The following BTBD8 variants were observed in gnomAD, a reference collection of about 807,000 sequenced individuals.
The protein encoded by BTBD8 is BTB/POZ domain-containing protein 8.
Under a neutral mutation model 162.9 loss-of-function variants are expected in BTBD8, and 110 were observed. The observed-to-expected ratio is 0.68, with a 90% CI of 0.58 to 0.79. The LOEUF is 0.79. Ranked by LOEUF, BTBD8 falls within the 30% of genes least tolerant of loss-of-function variation. BTBD8 has a pLI of 0.00. For synonymous variants in BTBD8, 667 were observed against 716.1 expected, an observed-to-expected ratio of 0.93 and a Z score of 1.10; for missense variants, 1,905 against 2,085.4, an observed-to-expected ratio of 0.91 and a Z score of 1.68.
chr1:92,091,287 C>A (rs921762239), intron 2 of BTBD8, among the ~76,000 whole-genome samples: 1 of 152,142 alleles, frequency 6.6e-6, no homozygotes, highest in Non-Finnish European at 1.5e-5. Context: ...CTTTCTTCTT[C>A]GCCTTCTGCC....
intron 13 of BTBD8, among the ~76,000 whole-genome samples, chr1:92,175,911 C>T (rs1048176380): frequency 9.9e-5 from 15 of 152,134 alleles, no homozygotes; most frequent in African/African-American, 3.6e-4. Context: ...AAGGTTGGTT[C>T]TAAGGAAAAT....
chr1:92,095,344 A>G (rs1294908763), intron 2 of BTBD8, among the ~76,000 whole-genome samples: 1 of 152,146 alleles, frequency 6.6e-6, no homozygotes, highest in Non-Finnish European at 1.5e-5. Context: ...GAAAACCCCA[A>G]TAAAGGCTTT....
intron 5 of BTBD8, among the ~76,000 whole-genome samples, chr1:92,138,214 ACT>A (rs1269243404): frequency 6.6e-6 from 1 of 152,140 alleles, no homozygotes; most frequent in Non-Finnish European, 1.5e-5. Context: ...CCACAACTTG[ACT>A]CTGATTTAGT....
intron 5 of BTBD8, 48 bp from the exon 6 acceptor site, chr1:92,139,302 T>TA (rs1330442817): frequency 1.3e-6 from 2 of 1,519,604 alleles, no homozygotes; most frequent in Non-Finnish European, 1.8e-6. Context: ...GAATCATTGA[T>TA]ATCAGTTAAA....
intron 9 of BTBD8, among the ~76,000 whole-genome samples, chr1:92,162,006 G>C (rs2100659791): frequency 7.0e-6 from 1 of 143,346 alleles, no homozygotes. Context: ...TCTTTCTTTT[G>C]TTTTCTAGTG....
chr1:92,162,331 A>G (rs913130077), intron 9 of BTBD8, among the ~76,000 whole-genome samples: 5 of 152,224 alleles, frequency 3.3e-5, no homozygotes, highest in Non-Finnish European at 7.3e-5. Context: ...CCTGGCAGTG[A>G]AAGAGAGTTC....
At chr1:92,086,816 G>A (rs1325475447) in intron 1 of BTBD8, among the ~76,000 whole-genome samples, 4 of 152,094 alleles carry the variant, frequency 2.6e-5, no homozygotes, top group Non-Finnish European at 5.9e-5. Context: ...TAGCAAGAAG[G>A]CCCTTGCAGA....
intron 5 of BTBD8, among the ~76,000 whole-genome samples, chr1:92,137,139 C>G (rs1362449539): frequency 1.3e-5 from 2 of 152,126 alleles, no homozygotes; most frequent in African/African-American, 4.8e-5. Flanking sequence ...CTTGGAACAG[C>G]TGCTAGAGAG....
chr1:92,108,116 G>A, intron 4 of BTBD8, 115 bp downstream of exon 4: 1 of 947,536 alleles, frequency 1.1e-6, no homozygotes, highest in Non-Finnish European at 1.7e-6. Context: ...GGCCACAGGG[G>A]TTCCATGAAG....
chr1:92,115,171 C>A, intron 4 of BTBD8: 1 of 532,914 alleles, frequency 1.9e-6, no homozygotes, highest in African/African-American at 1.9e-5. Flanking sequence ...TTGGCAGCAC[C>A]AGTAGATAGA....
chr1:92,168,981 A>T lies in BTBD8; in HGVS notation c.1559A>T (p.Gln520Leu). The change falls in exon 12 of 18, where the codon CAG becomes CTG. Residue 520 changes from glutamine to leucine, a missense_variant. Physicochemically the swap from Gln to Leu is moderately radical, Grantham distance 113. Coordinates refer to ENST00000636805, the MANE Select transcript of BTBD8 (RefSeq NM_001376131.1). ...AAGCTGATGAGCACAGATGATCAAC[A>T]GAAAATCCAAGCAGGTACGTTAGCC... ...SWKLMSTDDQ[Q>L]KIQAAAFDKG... The T allele has an allele frequency of 6.5e-7, 1 of 1,530,354 alleles. No homozygotes were observed. The highest frequency in any genetic ancestry group is 8.8e-7 in the Non-Finnish European group (1 of 1,130,998). The allele number at this position is 1,530,354 out of a possible 1,614,324, so 94.8% of individuals were successfully genotyped here. A position where few individuals can be genotyped will look rare whatever the true frequency, so the allele number is the denominator to read the frequency against.
Position 92,141,137 on chromosome 1 carries a change from A to G in BTBD8, c.856A>G (p.Met286Val). The G allele has an allele frequency of 6.4e-7, 1 of 1,568,328 alleles. No homozygotes were observed. The highest frequency in any genetic ancestry group is 2.3e-5 in the East Asian group (1 of 43,456). The change falls in exon 7 of 18, where the codon ATG (methionine) becomes GTG (valine). Residue 286 changes from methionine to valine, a missense_variant. Coordinates refer to ENST00000636805, the MANE Select transcript of BTBD8 (RefSeq NM_001376131.1). ...NVGQILNMAD[M>V]YGLEGLKEVA... ...TAGTCAGATACTCAATATGGCTGAT[A>G]TGTATGGACTAGAAGGATTAAAAGA...
In BTBD8 at chr1:92,181,141, C is replaced by A; in HGVS notation, c.3458C>A (p.Thr1153Lys). The change falls in exon 17 of 18, where the codon ACA (threonine) becomes AAA (lysine). Residue 1153 changes from threonine to lysine, a missense_variant. Thr to Lys is a moderately conservative substitution (Grantham distance 78). Coordinates refer to ENST00000636805, the MANE Select transcript of BTBD8 (RefSeq NM_001376131.1). ...GTTTCACTGTGTAATCCTGAAAGGACAAATGGTACCTTAAATTCTGCTCAA... is the reference window on the plus strand; with the variant it reads ...GTTTCACTGTGTAATCCTGAAAGGAAAAATGGTACCTTAAATTCTGCTCAA... ...EDVSLCNPER[T>K]NGTLNSAQED... 1 of 1,551,504 alleles carries A rather than the reference C, an allele frequency of 6.4e-7. No individual in the cohort carries two copies. The highest frequency in any genetic ancestry group is 1.7e-4 in the Middle Eastern group (1 of 5,992).
intron 9 of BTBD8, among the ~76,000 whole-genome samples, chr1:92,158,813 T>A (rs1218655821): frequency 1.3e-5 from 2 of 152,176 alleles, no homozygotes; most frequent in East Asian, 3.9e-4. Flanking sequence ...TCTCACTCTG[T>A]CACCCAAGCT....
rs886771198 is a variant in BTBD8, at chr1:92,167,031, C to T, written c.1196C>T (p.Thr399Met). Residue 399 changes from threonine (T) to methionine (M), a missense_variant, in exon 10 of 18, where the codon ACG becomes ATG. Transcript: ENST00000636805. ...LIISLPRVKW[T>M]EAALTMASQL... ...ATCAGTTTACCCAGAGTGAAGTGGA[C>T]GGAAGCAGCACTGACCATGGCGTCT... 24 of 1,550,532 alleles carry T rather than the reference C, an allele frequency of 1.5e-5. No homozygotes were observed. The highest frequency in any genetic ancestry group is 2.4e-5 in the East Asian group (1 of 40,922).
Position 92,102,474 on chromosome 1 carries a change from A to G in BTBD8, c.349A>G (p.Ile117Val), listed in dbSNP as rs1019437415. 5 of 1,475,234 alleles carry G rather than the reference A, an allele frequency of 3.4e-6. No individual in the cohort carries two copies. In the African/African-American group the frequency reaches 7.2e-5, roughly 21 times the overall value. The allele number at this position is 1,475,234 out of a possible 1,614,324, so 91.4% of individuals were successfully genotyped here. A position where few individuals can be genotyped will look rare whatever the true frequency, so the allele number is the denominator to read the frequency against. Residue 117 changes from isoleucine to valine, a missense_variant and splice_region_variant, in exon 3 of 18, where the codon ATT becomes GTT. By Grantham distance (29) the Ile-to-Val change is conservative. Transcript: ENST00000636805. ...EALEFRTFLQIIYSSNRNIKN... is the reference protein window; with the variant it reads ...EALEFRTFLQVIYSSNRNIKN... ...AATATTTTATATTTTGTCTTTTAGG[A>G]TTATATATTCATCAAACAGAAACAT...
At chr1:92,135,702 A>G (rs1158321224) in intron 5 of BTBD8, among the ~76,000 whole-genome samples, 3 of 152,212 alleles carry the variant, frequency 2.0e-5, no homozygotes, top group Non-Finnish European at 4.4e-5. Flanking sequence ...ATCTCTCAAG[A>G]CAGCAGGAAA....
chr1:92,165,288 C>T (rs570342444), intron 9 of BTBD8, among the ~76,000 whole-genome samples: 1 of 151,918 alleles, frequency 6.6e-6, no homozygotes, highest in East Asian at 1.9e-4. Flanking sequence ...TATACTAGGC[C>T]CTGAGGATAC....
intron 12 of BTBD8, 52 bp from the exon 13 acceptor site, chr1:92,171,347 T>C: frequency 7.5e-7 from 1 of 1,325,364 alleles, no homozygotes; most frequent in South Asian, 1.4e-5. Flanking sequence ...CCTTTACTTC[T>C]AAGGTAATAA....
Sources: allele counts gnomAD v4.1 joint callset (sites outside exome capture counted in the v4.1 genomes callset), GRCh38; gene constraint gnomAD v4.1.1; transcripts MANE v1.5; gene names NCBI Gene and HGNC (gene_info 2026-07-23, HGNC 2026-07-21).